MCTP2: variants seen among roughly 807,000 people sequenced by gnomAD.
The protein encoded by MCTP2 is multiple C2 and transmembrane domain containing 2.
Under a neutral mutation model 111.6 loss-of-function variants are expected in MCTP2, and 132 were observed. The ratio of observed to expected loss-of-function variants is 1.18; its 90% CI spans 1.03 to 1.37. MCTP2 has a LOEUF of 1.37. Among genes scored for constraint, MCTP2 ranks in the 40% most tolerant of loss-of-function variants. The pLI is 0.00. For synonymous variants in MCTP2, 395 were observed against 387.7 expected (o/e 1.02, Z -0.22); for missense variants, 1,183 against 1,067.9 (o/e 1.11, Z -1.50).
At chr15:94,316,103 TTATC>T (rs2076365388) in intron 4 of MCTP2, among the ~76,000 whole-genome samples, 1 of 152,196 alleles carries the variant, frequency 6.6e-6, no homozygotes, top group Non-Finnish European at 1.5e-5. Context: ...ATTGTTTTAT[TTATC>T]TTTTACAAGT....
At chr15:94,442,672 G>C (rs2083850056) in intron 18 of MCTP2, among the ~76,000 whole-genome samples, 1 of 152,164 alleles carries the variant, frequency 6.6e-6, no homozygotes, top group Admixed American at 6.5e-5. Flanking sequence ...AAAGCTGGAT[G>C]CCTTCAAAGG....
intron 17 of MCTP2, among the ~76,000 whole-genome samples, chr15:94,434,707 C>T (rs955181679): frequency 6.6e-6 from 1 of 152,142 alleles, no homozygotes; most frequent in Non-Finnish European, 1.5e-5. Flanking sequence ...CTATCTTCTA[C>T]TCCACTGATG....
intron 4 of MCTP2, among the ~76,000 whole-genome samples, chr15:94,337,383 G>A (rs945681919): frequency 3.9e-5 from 6 of 152,092 alleles, no homozygotes; most frequent in Non-Finnish European, 7.4e-5. Context: ...ACACCACTGA[G>A]GCCTAGTTTT....
intron 21 of MCTP2, 83 bp from the exon 22 acceptor site, chr15:94,476,613 T>C (rs199634370): frequency 1.9e-5 from 8 of 428,748 alleles, no homozygotes; most frequent in East Asian, 1.3e-4. Context: ...GACAGATAGA[T>C]AGATAGATAG....
At chr15:94,237,871 A>T (rs1326431629) in intron 1 of MCTP2, among the ~76,000 whole-genome samples, 2 of 152,118 alleles carry the variant, frequency 1.3e-5, no homozygotes, top group Non-Finnish European at 2.9e-5. Context: ...TCTTAACCTG[A>T]ACATTTCCTT....
At chr15:94,267,139 C>G (rs923979444) in intron 1 of MCTP2, among the ~76,000 whole-genome samples, 1 of 152,172 alleles carries the variant, frequency 6.6e-6, no homozygotes, top group African/African-American at 2.4e-5. Flanking sequence ...TTGAGAGATA[C>G]GTGCAGTCTT....
Position 94,243,145 on chromosome 15 carries a change from T to TATATACGTGTGTGTATATATG in MCTP2, c.-66+11481_-66+11482insATATACGTGTGTGTATATATG, listed in dbSNP as rs2071177095. Among the ~76,000 whole-genome samples the TATATACGTGTGTGTATATATG allele has an allele frequency of 4.1e-5, 4 of 97,398 alleles. 1 individual carries two copies. In the East Asian group the frequency reaches 1.2e-3, roughly 30 times the overall value. 63.9% of individuals were successfully genotyped at this position (97,398 alleles called of 152,430 possible). A position where few individuals can be genotyped will look rare whatever the true frequency, so the allele number is the denominator to read the frequency against. Reference sequence around the variant, plus strand: ...TATGTATCTACGGGTGTGGATATATTTATATACGTGTGTGTATATACATAC... The same window carrying TATATACGTGTGTGTATATATG: ...TATGTATCTACGGGTGTGGATATATTATATACGTGTGTGTATATATGTATATACGTGTGTGTATATACATAC... On this transcript the variant is annotated intron_variant, in intron 1 of 22. Transcript: ENST00000357742.
intron 1 of MCTP2, among the ~76,000 whole-genome samples, chr15:94,241,303 T>A (rs2070935299): frequency 1.3e-5 from 2 of 152,178 alleles, no homozygotes; most frequent in Admixed American, 1.3e-4. Flanking sequence ...CACTCATCGG[T>A]GTTGTTTAAT....
At chr15:94,325,965 A>T (rs1174105188) in intron 4 of MCTP2, among the ~76,000 whole-genome samples, 1 of 151,716 alleles carries the variant, frequency 6.6e-6, no homozygotes, top group Non-Finnish European at 1.5e-5. Flanking sequence ...GATTACAGGC[A>T]TGCGCCACCA....
intron 10 of MCTP2, among the ~76,000 whole-genome samples, chr15:94,363,182 T>C (rs1476619175): frequency 6.6e-6 from 1 of 152,202 alleles, no homozygotes; most frequent in East Asian, 1.9e-4. Flanking sequence ...GCGTTCAGTG[T>C]ATTCAAATCT....
chr15:94,404,153 G>A (rs2081769251), intron 17 of MCTP2, among the ~76,000 whole-genome samples: 1 of 152,080 alleles, frequency 6.6e-6, no homozygotes, highest in Admixed American at 6.5e-5. Context: ...TCCCTAAGTT[G>A]ATGAAGTGTA....
chr15:94,421,614 A>C (rs1187504734), intron 17 of MCTP2, among the ~76,000 whole-genome samples: 1 of 152,142 alleles, frequency 6.6e-6, no homozygotes, highest in East Asian at 1.9e-4. Flanking sequence ...AGATCCAGCA[A>C]GGGAAGATCG....
At chr15:94,257,147 T>C (rs1292412601) in intron 1 of MCTP2, among the ~76,000 whole-genome samples, 1 of 152,188 alleles carries the variant, frequency 6.6e-6, no homozygotes, top group Non-Finnish European at 1.5e-5. Flanking sequence ...TTTGCATGGA[T>C]CCATTCCTAT....
intron 8 of MCTP2, 108 bp from the exon 9 acceptor site, chr15:94,356,029 G>A (rs1454363459): frequency 2.2e-6 from 3 of 1,395,082 alleles, no homozygotes; most frequent in African/African-American, 1.5e-5. Context: ...CAGGCAGGGA[G>A]GAATTTTTTT....
chr15:94,312,675 G>A (rs114494612), intron 2 of MCTP2, among the ~76,000 whole-genome samples: 100 of 152,264 alleles, frequency 6.6e-4, no homozygotes, highest in Non-Finnish European at 8.4e-4. Flanking sequence ...GGTAAGAACC[G>A]CAGATTACAA....
chr15:94,400,011 A>C lies in MCTP2; in HGVS notation c.1965+16A>C, dbSNP rs1180736296. The C allele has an allele frequency of 1.2e-6, 2 of 1,612,866 alleles. No homozygotes were observed. The highest frequency in any genetic ancestry group is 2.2e-5 in the South Asian group (2 of 91,056). On this transcript the variant is annotated intron_variant, in intron 16 of 22. Transcript: ENST00000357742. ...GTCCAAAAAGGTGGGTCGCTACAGT[A>C]GGTGGCTTGTTGATTGGTACACTCA...
chr15:94,327,516 G>A (rs1282751384), intron 4 of MCTP2, among the ~76,000 whole-genome samples: 1 of 152,152 alleles, frequency 6.6e-6, no homozygotes, highest in African/African-American at 2.4e-5. Context: ...TTTGGGATTT[G>A]CTTCTCATTG....
At chr15:94,386,388 G>T (rs186883974) in intron 14 of MCTP2, among the ~76,000 whole-genome samples, 1 of 152,188 alleles carries the variant, frequency 6.6e-6, no homozygotes, top group Non-Finnish European at 1.5e-5. Flanking sequence ...GGAGCACTCC[G>T]TAATTTAACC....
At chr15:94,462,833 A>T (rs1596807703) in intron 20 of MCTP2, among the ~76,000 whole-genome samples, 1 of 152,220 alleles carries the variant, frequency 6.6e-6, no homozygotes, top group Non-Finnish European at 1.5e-5. Flanking sequence ...AATTTAAATG[A>T]ATTAGTACAT....
Sources: allele counts gnomAD v4.1 joint callset (sites outside exome capture counted in the v4.1 genomes callset), GRCh38; gene constraint gnomAD v4.1.1; transcripts MANE v1.5; gene names NCBI Gene and HGNC (gene_info 2026-07-23, HGNC 2026-07-21).